BTRC: variants seen among roughly 807,000 people sequenced by gnomAD.
The protein encoded by BTRC is F-box/WD repeat-containing protein 1A.
In BTRC, 42 loss-of-function variants were observed where a neutral mutation model predicts 85.5. The observed-to-expected ratio is 0.49, with a 90% CI of 0.38 to 0.64. BTRC has a LOEUF of 0.64. BTRC is among the 30% of genes least tolerant of loss of function. The pLI is 0.00. For synonymous variants in BTRC, 255 were observed against 263.3 expected, an observed-to-expected ratio of 0.97 and a Z score of 0.30; for missense variants, 594 against 743.5, an observed-to-expected ratio of 0.80 and a Z score of 2.34.
chr10:101,531,364 CAAGGGCACAGA>C (rs1564829678), intron 7 of BTRC, 31 bp downstream of exon 7: 8 of 1,470,860 alleles, frequency 5.4e-6, no homozygotes, highest in Non-Finnish European at 6.6e-6. Flanking sequence ...GGGTATTGCC[CAAGGGCACAGA>C]ATTATCAGCA....
At chr10:101,519,868 A>G (rs563588485) in intron 4 of BTRC, among the ~76,000 whole-genome samples, 89 of 152,084 alleles carry the variant, frequency 5.9e-4, no homozygotes, top group Middle Eastern at 3.4e-3. Context: ...GGGGTTGTGC[A>G]CCTGTAATCC....
At chr10:101,530,117 C>G (rs936186094) in intron 6 of BTRC, among the ~76,000 whole-genome samples, 1 of 151,990 alleles carries the variant, frequency 6.6e-6, no homozygotes, top group African/African-American at 2.4e-5. Flanking sequence ...CAGAGATGTG[C>G]TGTCATAAGG....
At chr10:101,486,336 G>A (rs1945986258) in intron 4 of BTRC, among the ~76,000 whole-genome samples, 1 of 152,074 alleles carries the variant, frequency 6.6e-6, no homozygotes, top group South Asian at 2.1e-4. Flanking sequence ...TGGAGCATTC[G>A]GCTGGGGGCT....
intron 4 of BTRC, among the ~76,000 whole-genome samples, chr10:101,520,242 C>G (rs1192307696): frequency 6.6e-6 from 1 of 152,004 alleles, no homozygotes; most frequent in African/African-American, 2.4e-5. Flanking sequence ...CTCCTGGGTT[C>G]AAGCGATTCT....
intron 2 of BTRC, 164 bp from the exon 3 acceptor site, chr10:101,461,817 C>A: frequency 2.4e-6 from 1 of 419,954 alleles, no homozygotes; most frequent in Non-Finnish European, 4.4e-6. Flanking sequence ...CATATGTTTT[C>A]TTTTACATAT....
At chr10:101,441,902 T>C (rs955602932) in intron 2 of BTRC, among the ~76,000 whole-genome samples, 4 of 98,326 alleles carry the variant, frequency 4.1e-5, no homozygotes, top group African/African-American at 1.4e-4. Flanking sequence ...AAAAAAAAAG[T>C]GTAATAAGTC....
Position 101,525,926 on chromosome 10 carries a change from A to G in BTRC, c.557-87A>G, listed in dbSNP as rs1420207232. The G allele has an allele frequency of 3.9e-6, 5 of 1,289,076 alleles. No individual in the cohort carries two copies. In the Admixed American group the frequency reaches 6.2e-5, roughly 16 times the overall value. 79.9% of individuals were successfully genotyped at this position (1,289,076 alleles called of 1,614,324 possible). On this transcript the variant is annotated intron_variant, in intron 5 of 14. Transcript: ENST00000370187. The stretch of plus-strand genomic sequence containing the variant: ...ATGATGTGCCTTCATAGCAGAACAA[A>G]TGCTGTTCTGTTTTAAAGGACCTTT...
intron 6 of BTRC, among the ~76,000 whole-genome samples, chr10:101,529,068 C>G (rs1022864453): frequency 1.3e-5 from 2 of 152,142 alleles, no homozygotes; most frequent in South Asian, 2.1e-4. Flanking sequence ...TCTTAATCAG[C>G]AGATCACATT....
intron 1 of BTRC, among the ~76,000 whole-genome samples, chr10:101,355,302 T>G (rs930674770): frequency 6.6e-6 from 1 of 152,152 alleles, no homozygotes; most frequent in Non-Finnish European, 1.5e-5. Flanking sequence ...GGATTTGTGG[T>G]TACCCGTCAG....
intron 1 of BTRC, among the ~76,000 whole-genome samples, chr10:101,382,540 A>G (rs375976530): frequency 1.8e-4 from 28 of 151,822 alleles, no homozygotes; most frequent in Non-Finnish European, 4.1e-4. Flanking sequence ...TTCTTAGTGC[A>G]CTACTACATC....
Position 101,491,076 on chromosome 10 carries a change from C to G in BTRC, c.324+11619C>G, listed in dbSNP as rs557903163. On this transcript the variant is annotated intron_variant, in intron 4 of 14. Transcript: ENST00000370187. ...TCTGTCTCAAAAAAAAAAAAAAACT[C>G]TCTTTTCTGGGTTACCTAGTCAGTA... Among the ~76,000 whole-genome samples the G allele has an allele frequency of 2.6e-5, 4 of 151,312 alleles. No homozygotes were observed. The East Asian group carries it at 7.8e-4, about 30-fold the overall frequency.
intron 2 of BTRC, among the ~76,000 whole-genome samples, chr10:101,458,423 G>A (rs574342105): frequency 3.3e-5 from 5 of 152,180 alleles, no homozygotes; most frequent in African/African-American, 1.2e-4. Context: ...TTTTAATGGC[G>A]GTGTTATACA....
intron 5 of BTRC, among the ~76,000 whole-genome samples, chr10:101,523,440 A>C (rs1242023964): frequency 6.6e-6 from 1 of 152,162 alleles, no homozygotes; most frequent in Non-Finnish European, 1.5e-5. Flanking sequence ...TTTCAGGAAA[A>C]TAGGAGTCTT....
intron 5 of BTRC, among the ~76,000 whole-genome samples, chr10:101,524,240 C>T (rs982080385): frequency 6.6e-6 from 1 of 152,106 alleles, no homozygotes. Context: ...CCCCTCTTTA[C>T]TCATTGGATT....
intron 3 of BTRC, among the ~76,000 whole-genome samples, chr10:101,477,511 G>A (rs1006576708): frequency 1.3e-5 from 2 of 151,618 alleles, no homozygotes; most frequent in Admixed American, 6.6e-5. Context: ...ACAGGGCCTC[G>A]CTGTGCTGCC....
chr10:101,453,211 A>G (rs1244241129), intron 2 of BTRC, among the ~76,000 whole-genome samples: 4 of 152,238 alleles, frequency 2.6e-5, no homozygotes, highest in African/African-American at 9.6e-5. Context: ...GAAGTTCACT[A>G]TACTGTGTTT....
intron 1 of BTRC, among the ~76,000 whole-genome samples, chr10:101,366,756 CT>C (rs1942387177): frequency 9.9e-6 from 1 of 101,460 alleles, no homozygotes; most frequent in Non-Finnish European, 1.9e-5. Context: ...GGAGTTTGGA[CT>C]TAATCTAGTT....
In BTRC at chr10:101,532,996, C is replaced by T. The variant is rs1460817853; in HGVS notation, c.1023C>T (p.Gly341=). 2 of 1,613,308 alleles carry T rather than the reference C, an allele frequency of 1.2e-6. No individual in the cohort carries two copies. The highest frequency in any genetic ancestry group is 2.2e-5 in the South Asian group (2 of 91,042). ...NTLECKRILT[G]HTGSVLCLQY... ...TGGAATGCAAGCGAATTCTCACAGG[C>T]CATACAGGTTCAGTCCTCTGTCTCC... Residue 341 remains glycine, a synonymous_variant, in exon 9 of 15, where the codon GGC becomes GGT. Coordinates refer to ENST00000370187, the MANE Select transcript of BTRC (RefSeq NM_033637.4).
rs1564758175 is a variant in BTRC, at chr10:101,415,503, T to TGAGACAG, written c.49-14842_49-14841insGAGACAG. Among the ~76,000 whole-genome samples, 3 of 4,020 alleles carry TGAGACAG rather than the reference T, an allele frequency of 7.5e-4. No homozygotes were observed. The Non-Finnish European group carries it at 9.3e-3, about 12-fold the overall frequency. 2.6% of individuals were successfully genotyped at this position (4,020 alleles called of 152,430 possible). A position where few individuals can be genotyped will look rare whatever the true frequency, so the allele number is the denominator to read the frequency against. ...TATTTTATTTTATGTTATGTTATGTTATGTTATGTTATGTTATGTTATGTT... is the reference window on the plus strand; with the variant it reads ...TATTTTATTTTATGTTATGTTATGTTGAGACAGATGTTATGTTATGTTATGTTATGTT... On this transcript the variant is annotated intron_variant, in intron 1 of 14. Transcript: ENST00000370187.
Sources: allele counts gnomAD v4.1 joint callset (sites outside exome capture counted in the v4.1 genomes callset), GRCh38; gene constraint gnomAD v4.1.1; transcripts MANE v1.5; gene names NCBI Gene and HGNC (gene_info 2026-07-23, HGNC 2026-07-21).